Variants in LPP observed in about 807,000 individuals in gnomAD.
The protein encoded by LPP is LIM domain containing preferred translocation partner in lipoma, also known as lipoma-preferred partner.
A neutral mutation model predicts 60.4 loss-of-function variants in LPP; 38 were observed. The ratio of observed to expected loss-of-function variants is 0.63; its 90% CI spans 0.49 to 0.83. The LOEUF is 0.83. LPP is among the 40% of genes least tolerant of loss of function. The probability of loss-of-function intolerance (pLI) is 0.00; values close to 1 mark genes in which losing one functional copy is unlikely to be tolerated. For synonymous variants in LPP, 328 were observed against 290.8 expected (o/e 1.13, Z -1.30); for missense variants, 902 against 783.6 (o/e 1.15, Z -1.80).
intron 8 of LPP, chr3:188,710,036 C>A (rs1272482794): frequency 6.6e-6 from 1 of 152,078 alleles, no homozygotes; most frequent in Non-Finnish European, 1.5e-5. Flanking sequence ...GCTTTAAGGA[C>A]AAATAGAGAA....
At chr3:188,831,526 G>T (rs1004612412) in intron 9 of LPP, among the ~76,000 whole-genome samples, 1 of 152,138 alleles carries the variant, frequency 6.6e-6, no homozygotes, top group Non-Finnish European at 1.5e-5. Context: ...CATATAACAA[G>T]GATACACTTT....
chr3:188,521,484 A>T (rs923556309), intron 5 of LPP, among the ~76,000 whole-genome samples: 6 of 152,194 alleles, frequency 3.9e-5, no homozygotes, highest in Non-Finnish European at 7.3e-5. Context: ...TTTCTGCTTC[A>T]GTAAAGTACA....
chr3:188,837,305 G>C (rs534979512), intron 9 of LPP, among the ~76,000 whole-genome samples: 1 of 151,706 alleles, frequency 6.6e-6, no homozygotes, highest in East Asian at 1.9e-4. Context: ...CTTGAACCTG[G>C]GAGGTGGAAG....
chr3:188,230,123 G>A (rs915919919), intron 2 of LPP, among the ~76,000 whole-genome samples: 6 of 151,224 alleles, frequency 4.0e-5, no homozygotes, highest in Non-Finnish European at 7.4e-5. Context: ...GTCTCATTCC[G>A]TTGCCAGGCC....
intron 4 of LPP, among the ~76,000 whole-genome samples, chr3:188,454,108 C>T (rs1344152943): frequency 2.0e-5 from 3 of 152,214 alleles, no homozygotes; most frequent in African/African-American, 7.2e-5. Context: ...GGTACAGTTA[C>T]TATTCCCACT....
chr3:188,160,173 G>A (rs755913842), intron 1 of LPP, among the ~76,000 whole-genome samples: 9 of 151,854 alleles, frequency 5.9e-5, no homozygotes, highest in Admixed American at 5.2e-4. Flanking sequence ...GTCTCCCAAA[G>A]TGCTGGGATT....
At chr3:188,737,426 T>G (rs1722911299) in intron 8 of LPP, among the ~76,000 whole-genome samples, 2 of 152,190 alleles carry the variant, frequency 1.3e-5, no homozygotes, top group South Asian at 2.1e-4. Context: ...CTGTCAACCC[T>G]GGTAGACAGG....
intron 8 of LPP, among the ~76,000 whole-genome samples, chr3:188,729,867 C>T (rs1332423005): frequency 6.6e-6 from 1 of 150,722 alleles, no homozygotes; most frequent in Non-Finnish European, 1.5e-5. Context: ...TGCTGTGGTT[C>T]CAGCTAATCT....
intron 8 of LPP, among the ~76,000 whole-genome samples, chr3:188,752,770 C>T (rs2150341217): frequency 6.6e-6 from 1 of 152,308 alleles, no homozygotes; most frequent in East Asian, 1.9e-4. Flanking sequence ...TACCCCGGGA[C>T]AAACTACTCT....
intron 1 of LPP, among the ~76,000 whole-genome samples, chr3:188,209,183 T>C (rs541639600): frequency 6.6e-6 from 1 of 152,320 alleles, no homozygotes; most frequent in South Asian, 2.1e-4. Context: ...TTTCTTTTGC[T>C]CCTTATTGCT....
At chr3:188,702,767 A>G (rs1864736781) in intron 7 of LPP, among the ~76,000 whole-genome samples, 1 of 152,312 alleles carries the variant, frequency 6.6e-6, no homozygotes, top group South Asian at 2.1e-4. Flanking sequence ...GGTTTGCTTC[A>G]CAATGTCTTT....
chr3:188,181,728 G>T (rs1725066445), intron 1 of LPP, among the ~76,000 whole-genome samples: 1 of 152,102 alleles, frequency 6.6e-6, no homozygotes, highest in African/African-American at 2.4e-5. Context: ...AAAATTAATT[G>T]GTTACTTTTT....
At chr3:188,318,736 GA>G (rs995101097) in intron 2 of LPP, among the ~76,000 whole-genome samples, 11 of 139,178 alleles carry the variant, frequency 7.9e-5, no homozygotes, top group Non-Finnish European at 1.6e-4. Context: ...GGAAAAAATT[GA>G]AAAAAAATTA....
intron 8 of LPP, among the ~76,000 whole-genome samples, chr3:188,740,383 G>A (rs2150160713): frequency 6.6e-6 from 1 of 151,972 alleles, no homozygotes; most frequent in Non-Finnish European, 1.5e-5. Context: ...ATTCTCTATT[G>A]GAGCATACCT....
chr3:188,278,496 C>T (rs530247834), intron 2 of LPP, among the ~76,000 whole-genome samples: 2 of 152,322 alleles, frequency 1.3e-5, no homozygotes, highest in East Asian at 3.9e-4. Flanking sequence ...TCTGAATCGA[C>T]TCTCAAGGCT....
At chr3:188,345,423 G>A (rs939878544) in intron 3 of LPP, among the ~76,000 whole-genome samples, 6 of 151,988 alleles carry the variant, frequency 3.9e-5, no homozygotes, top group East Asian at 1.9e-4. Flanking sequence ...TCCTCCACCC[G>A]CCTCCTGCCC....
intron 7 of LPP, among the ~76,000 whole-genome samples, chr3:188,677,613 C>G: frequency 6.6e-6 from 1 of 152,146 alleles, no homozygotes; most frequent in East Asian, 1.9e-4. Context: ...TATAACAGAA[C>G]TTCTGCTGGG....
At chr3:188,727,889 T>G (rs2149989950) in intron 8 of LPP, among the ~76,000 whole-genome samples, 1 of 152,318 alleles carries the variant, frequency 6.6e-6, no homozygotes, top group South Asian at 2.1e-4. Flanking sequence ...CAAATACCTA[T>G]TTTTAATGAG....
At position 188,551,680 on chromosome 3, in the gene LPP, T is replaced by G. The variant is rs1160888630; in HGVS notation, c.429+26893T>G. Among the ~76,000 whole-genome samples the G allele has an allele frequency of 2.0e-5, 3 of 152,110 alleles. No homozygotes were observed. The East Asian group carries it at 5.8e-4, about 29-fold the overall frequency. On this transcript the variant is annotated intron_variant, in intron 6 of 11. Coordinates refer to ENST00000617246, the MANE Select transcript of LPP (RefSeq NM_001375462.1). ...AAAAGGAGAATGGAGATGTACAGTT[T>G]GGTGTGTACTGTGGGTTGAGGAAGA...
Sources: gnomAD v4.1 joint callset for allele counts (sites outside exome capture counted in the v4.1 genomes callset) on GRCh38, gnomAD v4.1.1 for gene constraint, MANE v1.5 for transcripts, NCBI Gene and HGNC (gene_info 2026-07-23, HGNC 2026-07-21) for gene names.